PAM: variants seen among roughly 807,000 people sequenced by gnomAD.
PAM encodes peptidylglycine alpha-amidating monooxygenase.
Under a neutral mutation model 122.1 loss-of-function variants are expected in PAM, and 72 were observed. The ratio of observed to expected loss-of-function variants is 0.59; its 90% CI spans 0.49 to 0.72. The LOEUF (loss-of-function observed/expected upper bound fraction) is 0.72. Ranked by LOEUF, PAM falls within the 30% of genes least tolerant of loss-of-function variation. The pLI, the probability that PAM is intolerant of heterozygous loss-of-function variation, is 0.00. For missense variants in PAM, 1,106 were observed against 1,183.7 expected, an observed-to-expected ratio of 0.93 and a Z score of 0.96; for synonymous variants, 389 against 404.4, an observed-to-expected ratio of 0.96 and a Z score of 0.46.
At chr5:102,870,706 C>T (rs968798073) in intron 3 of PAM, among the ~76,000 whole-genome samples, 1 of 152,078 alleles carries the variant, frequency 6.6e-6, no homozygotes, top group Non-Finnish European at 1.5e-5. Flanking sequence ...AGGTGTTTTT[C>T]CAGCCTTTGG....
At chr5:103,026,018 A>G (rs1042989528) in intron 24 of PAM, among the ~76,000 whole-genome samples, 61 of 152,346 alleles carry the variant, frequency 4.0e-4, no homozygotes, top group African/African-American at 1.4e-3. Flanking sequence ...TTAATTCTAT[A>G]ACAAACCATT....
chr5:102,917,733 T>A (rs949038105), intron 5 of PAM, among the ~76,000 whole-genome samples: 1 of 152,182 alleles, frequency 6.6e-6, no homozygotes, highest in Non-Finnish European at 1.5e-5. Context: ...TCAGGAAGCA[T>A]TTTTAATATT....
At chr5:102,963,098 G>A (rs1403390046) in intron 14 of PAM, among the ~76,000 whole-genome samples, 2 of 152,000 alleles carry the variant, frequency 1.3e-5, no homozygotes, top group East Asian at 1.9e-4. Flanking sequence ...CCATTAAAAT[G>A]TCATCTCTAA....
chr5:102,769,589 G>A (rs1277587380), intron 1 of PAM, among the ~76,000 whole-genome samples: 1 of 152,062 alleles, frequency 6.6e-6, no homozygotes, highest in Non-Finnish European at 1.5e-5. Context: ...AGTTTTCCCA[G>A]CACCATTTAT....
intron 12 of PAM, among the ~76,000 whole-genome samples, chr5:102,952,604 A>T (rs1460367755): frequency 6.6e-6 from 1 of 152,166 alleles, no homozygotes; most frequent in East Asian, 1.9e-4. Flanking sequence ...AAGTAAGACA[A>T]GTTTTAATAC....
chr5:102,832,184 G>A (rs752938808), intron 1 of PAM, among the ~76,000 whole-genome samples: 18 of 151,992 alleles, frequency 1.2e-4, no homozygotes, highest in Non-Finnish European at 2.4e-4. Flanking sequence ...TCAATTATTT[G>A]GGGACGCACA....
At chr5:102,801,842 G>A (rs886739393) in intron 1 of PAM, among the ~76,000 whole-genome samples, 4 of 142,526 alleles carry the variant, frequency 2.8e-5, no homozygotes, top group Middle Eastern at 3.7e-3. Context: ...GCAGTGGCGC[G>A]ATCTCGGCTC....
At chr5:102,760,389 C>G (rs557163603) in intron 1 of PAM, among the ~76,000 whole-genome samples, 1 of 152,240 alleles carries the variant, frequency 6.6e-6, no homozygotes, top group Admixed American at 6.5e-5. Flanking sequence ...TCCAGCATCC[C>G]CATGAAACTG....
chr5:102,892,888 A>G (rs917590077), intron 3 of PAM, among the ~76,000 whole-genome samples: 5 of 151,846 alleles, frequency 3.3e-5, no homozygotes, highest in Admixed American at 2.0e-4. Flanking sequence ...TAATTTTCAA[A>G]TTGTCGTTTG....
At chr5:102,785,120 A>C (rs1299086057) in intron 1 of PAM, among the ~76,000 whole-genome samples, 1 of 152,234 alleles carries the variant, frequency 6.6e-6, no homozygotes, top group Non-Finnish European at 1.5e-5. Context: ...GGTTTGTTAC[A>C]TAGGTATCCC....
intron 7 of PAM, among the ~76,000 whole-genome samples, chr5:102,931,954 A>G (rs943810564): frequency 2.6e-5 from 4 of 152,084 alleles, no homozygotes; most frequent in African/African-American, 9.7e-5. Flanking sequence ...GTGGGTGTTT[A>G]ATATTTACAT....
chr5:102,982,023 C>T (rs1489759345), intron 15 of PAM, among the ~76,000 whole-genome samples: 2 of 152,096 alleles, frequency 1.3e-5, no homozygotes, highest in African/African-American at 4.8e-5. Flanking sequence ...ACAGTTCCTC[C>T]CCACCCAGCA....
At chr5:102,920,556 G>C (rs934531555) in intron 5 of PAM, among the ~76,000 whole-genome samples, 10 of 152,046 alleles carry the variant, frequency 6.6e-5, no homozygotes, top group African/African-American at 2.2e-4. Flanking sequence ...ACATAGGATT[G>C]TCTGAATTTG....
At chr5:102,908,239 C>G (rs2151493771) in intron 4 of PAM, among the ~76,000 whole-genome samples, 1 of 152,076 alleles carries the variant, frequency 6.6e-6, no homozygotes, top group Admixed American at 6.6e-5. Context: ...AGTCCTTTCC[C>G]CATTGCTTGT....
intron 3 of PAM, among the ~76,000 whole-genome samples, chr5:102,899,229 T>C (rs1294412058): frequency 6.6e-6 from 1 of 151,722 alleles, no homozygotes; most frequent in Non-Finnish European, 1.5e-5. Context: ...TTATTCTCAT[T>C]TTAAATTGGG....
chr5:103,006,289 T>A (rs1053646228), intron 18 of PAM, among the ~76,000 whole-genome samples: 1 of 152,178 alleles, frequency 6.6e-6, no homozygotes, highest in Non-Finnish European at 1.5e-5. Flanking sequence ...TTTCTTAAAC[T>A]ACCTTAATCT....
In PAM at chr5:103,028,876, C is replaced by T. The variant is rs373294830; in HGVS notation, c.2744-11C>T. The T allele has an allele frequency of 2.5e-5, 40 of 1,585,526 alleles. No homozygotes were observed. In the African/African-American group the frequency reaches 5.2e-4, roughly 21 times the overall value. On this transcript the variant is annotated splice_polypyrimidine_tract_variant and intron_variant, in intron 25 of 25. Transcript: ENST00000438793. The stretch of plus-strand genomic sequence containing the variant: ...CTTTACCCAATTCTGTTATTGTTTG[C>T]TTTTTTTCAGGAAAGGGAAGTGGAG...
intron 3 of PAM, among the ~76,000 whole-genome samples, chr5:102,888,479 C>T (rs1369847051): frequency 6.6e-6 from 1 of 151,900 alleles, no homozygotes; most frequent in African/African-American, 2.4e-5. Flanking sequence ...ACAAAATTCT[C>T]AAATCAAATC....
chr5:102,795,316 C>T (rs1356273643), intron 1 of PAM, among the ~76,000 whole-genome samples: 6 of 151,962 alleles, frequency 3.9e-5, no homozygotes, highest in Non-Finnish European at 7.4e-5. Context: ...CTCTGCACAT[C>T]CTTAGGTAAA....
Sources: gnomAD v4.1 joint callset for allele counts (sites outside exome capture counted in the v4.1 genomes callset) on GRCh38, gnomAD v4.1.1 for gene constraint, MANE v1.5 for transcripts, NCBI Gene and HGNC (gene_info 2026-07-23, HGNC 2026-07-21) for gene names.